Variants in LRMDA observed in about 807,000 individuals in gnomAD.
LRMDA encodes leucine-rich melanocyte differentiation-associated protein.
LRMDA carries 18 observed loss-of-function variants against 29.8 expected under a neutral mutation model. The ratio of observed to expected loss-of-function variants is 0.60; its 90% CI spans 0.42 to 0.90. LRMDA has a LOEUF of 0.90. Among genes scored for constraint, LRMDA ranks in the 40% least tolerant of loss-of-function variants. The pLI, the probability that LRMDA is intolerant of heterozygous loss-of-function variation, is 0.00. For synonymous variants in LRMDA, 125 were observed against 109.4 expected (o/e 1.14, Z -0.89); for missense variants, 273 against 273.9 (o/e 1.00, Z 0.02).
intron 5 of LRMDA, among the ~76,000 whole-genome samples, chr10:76,213,932 T>C (rs1851679190): frequency 6.6e-6 from 1 of 152,056 alleles, no homozygotes; most frequent in African/African-American, 2.4e-5. Context: ...ATTAAAACTA[T>C]AGCTAGGGGG....
chr10:75,910,083 T>TTATA, intron 2 of LRMDA, among the ~76,000 whole-genome samples: 1 of 152,338 alleles, frequency 6.6e-6, no homozygotes, highest in Admixed American at 6.5e-5. Context: ...AGGAGAAACT[T>TTATA]GAGTTGGGTT....
At chr10:75,487,302 T>C (rs983226436) in intron 2 of LRMDA, among the ~76,000 whole-genome samples, 1 of 152,230 alleles carries the variant, frequency 6.6e-6, no homozygotes, top group East Asian at 1.9e-4. Flanking sequence ...AAAAACTGTA[T>C]GTACCAGCAA....
chr10:75,893,731 C>T (rs1845534419), intron 2 of LRMDA, among the ~76,000 whole-genome samples: 1 of 152,030 alleles, frequency 6.6e-6, no homozygotes, highest in African/African-American at 2.4e-5. Flanking sequence ...GTCAGGTGTT[C>T]AAGACCAGCC....
chr10:75,646,772 C>T (rs1005630890), intron 2 of LRMDA, among the ~76,000 whole-genome samples: 5 of 151,926 alleles, frequency 3.3e-5, no homozygotes, highest in Non-Finnish European at 7.4e-5. Flanking sequence ...CAGACGAGTG[C>T]GAATTGGGAT....
At chr10:75,632,797 T>G (rs867444317) in intron 2 of LRMDA, among the ~76,000 whole-genome samples, 5 of 140,524 alleles carry the variant, frequency 3.6e-5, no homozygotes, top group Non-Finnish European at 7.7e-5. Context: ...TTTTTTTTTT[T>G]TTTTTTTTTT....
chr10:76,009,516 T>C lies in LRMDA; in HGVS notation c.132-26492T>C, dbSNP rs1389110356. On this transcript the variant is annotated intron_variant, in intron 2 of 6. Transcript: ENST00000611255. ...TCTCCTTGCCTGCATCCCTCTGACA[T>C]GTGAGTGTGGATTGCGGGCCAGGAG... 4.6e-5 allele frequency among the ~76,000 whole-genome samples: 7 copies of C among 152,274 alleles called. No homozygotes were observed. The East Asian group carries it at 1.2e-3, about 25-fold the overall frequency.
At chr10:76,147,113 T>C (rs1279061584) in intron 5 of LRMDA, among the ~76,000 whole-genome samples, 1 of 152,208 alleles carries the variant, frequency 6.6e-6, no homozygotes, top group Non-Finnish European at 1.5e-5. Context: ...TGGCTGCCCT[T>C]AACGTTTTTT....
At chr10:76,195,973 A>G (rs1027562307) in intron 5 of LRMDA, among the ~76,000 whole-genome samples, 3 of 152,174 alleles carry the variant, frequency 2.0e-5, no homozygotes, top group Admixed American at 1.3e-4. Flanking sequence ...AGAAAATACA[A>G]AACACCATTT....
chr10:76,231,704 A>G (rs569225860), intron 5 of LRMDA, among the ~76,000 whole-genome samples: 1 of 152,340 alleles, frequency 6.6e-6, no homozygotes, highest in South Asian at 2.1e-4. Flanking sequence ...TAGTGGAGAT[A>G]TCACCCCTCT....
At chr10:75,475,613 G>A (rs1844781732) in intron 2 of LRMDA, among the ~76,000 whole-genome samples, 2 of 152,176 alleles carry the variant, frequency 1.3e-5, no homozygotes, top group African/African-American at 4.8e-5. Flanking sequence ...CTCCTTTGAA[G>A]TAAAAAGACT....
At chr10:76,425,633 A>G (rs1403381779) in intron 6 of LRMDA, among the ~76,000 whole-genome samples, 1 of 151,748 alleles carries the variant, frequency 6.6e-6, no homozygotes, top group Non-Finnish European at 1.5e-5. Context: ...TTTAAGTTCT[A>G]GGGTACATGT....
At chr10:76,255,140 C>T (rs1852569392) in intron 5 of LRMDA, among the ~76,000 whole-genome samples, 1 of 152,164 alleles carries the variant, frequency 6.6e-6, no homozygotes, top group Non-Finnish European at 1.5e-5. Flanking sequence ...GAAAGTGAGT[C>T]ACCAAAAAGG....
chr10:75,555,115 T>G (rs1840198527), intron 2 of LRMDA, among the ~76,000 whole-genome samples: 2 of 152,124 alleles, frequency 1.3e-5, no homozygotes, highest in Non-Finnish European at 1.5e-5. Flanking sequence ...TGGTGGGCCC[T>G]GGGCTGTCTG....
chr10:75,999,517 C>CAT (rs1351001759), intron 2 of LRMDA, among the ~76,000 whole-genome samples: 2 of 152,150 alleles, frequency 1.3e-5, no homozygotes, highest in Non-Finnish European at 2.9e-5. Context: ...AATAGATATA[C>CAT]ATATATATGC....
intron 5 of LRMDA, among the ~76,000 whole-genome samples, chr10:76,202,117 C>G (rs916869746): frequency 3.9e-5 from 6 of 152,138 alleles, no homozygotes; most frequent in African/African-American, 1.4e-4. Flanking sequence ...GATTCTGTCA[C>G]GTTGGCTACT....
intron 5 of LRMDA, among the ~76,000 whole-genome samples, chr10:76,284,104 T>C (rs761063253): frequency 3.3e-5 from 5 of 152,204 alleles, no homozygotes; most frequent in Non-Finnish European, 5.9e-5. Flanking sequence ...GATGTTATTT[T>C]TGGTCTTTGT....
intron 2 of LRMDA, among the ~76,000 whole-genome samples, chr10:75,443,523 T>C (rs544852819): frequency 3.0e-4 from 46 of 152,370 alleles, no homozygotes; most frequent in African/African-American, 4.3e-4. Context: ...TGATTGCGTA[T>C]GTTAAACTAT....
At chr10:76,340,234 G>C (rs761893864) in intron 6 of LRMDA, among the ~76,000 whole-genome samples, 1 of 152,116 alleles carries the variant, frequency 6.6e-6, no homozygotes, top group South Asian at 2.1e-4. Context: ...AAGAGAGGGA[G>C]GCCAGGCATG....
chr10:76,095,671 T>C (rs1330326534), intron 5 of LRMDA, among the ~76,000 whole-genome samples: 1 of 152,268 alleles, frequency 6.6e-6, no homozygotes, highest in Non-Finnish European at 1.5e-5. Context: ...ATTGTCAATA[T>C]CTTTTTGTTT....
Sources: gnomAD v4.1 joint callset for allele counts (sites outside exome capture counted in the v4.1 genomes callset) on GRCh38, gnomAD v4.1.1 for gene constraint, MANE v1.5 for transcripts, NCBI Gene and HGNC (gene_info 2026-07-23, HGNC 2026-07-21) for gene names.